Variants in TRIP11 observed in about 807,000 individuals in gnomAD.
TRIP11 encodes thyroid receptor-interacting protein 11.
In TRIP11, 148 loss-of-function variants were observed where a neutral mutation model predicts 223.1. The ratio of observed to expected loss-of-function variants is 0.66; its 90% CI spans 0.58 to 0.76. TRIP11 has a LOEUF of 0.76. Among genes scored for constraint, TRIP11 ranks in the 30% least tolerant of loss-of-function variants. The pLI is 0.00. For synonymous variants in TRIP11, 762 were observed against 772.6 expected, an observed-to-expected ratio of 0.99 and a Z score of 0.23; for missense variants, 2,043 against 2,222.0, an observed-to-expected ratio of 0.92 and a Z score of 1.62.
At chr14:92,010,203 T>C (rs2056953979) in intron 9 of TRIP11, among the ~76,000 whole-genome samples, 2 of 152,206 alleles carry the variant, frequency 1.3e-5, no homozygotes, top group South Asian at 2.1e-4. Flanking sequence ...AGCCCTTCTT[T>C]CTACCACTGA....
In TRIP11 at chr14:92,040,053, G is replaced by A. The variant is rs2057369067; in HGVS notation, c.-368C>T. The A allele has an allele frequency of 2.4e-6, 1 of 419,380 alleles. No homozygotes were observed. Among genetic ancestry groups the A allele is most frequent in the Non-Finnish European group, 4.5e-6 (1 of 223,072 alleles). The allele number at this position is 419,380 out of a possible 1,614,324, so 26.0% of individuals were successfully genotyped here. On this transcript the variant is annotated 5_prime_UTR_variant, in exon 1 of 21. Coordinates refer to ENST00000267622, the MANE Select transcript of TRIP11 (RefSeq NM_004239.4). ...CATGACACTCGCTCGGAAAGCGGCA[G>A]CGGATCATAGAAAAGCGCCGCGGTG...
intron 16 of TRIP11, among the ~76,000 whole-genome samples, chr14:91,979,171 C>T (rs1397062451): frequency 4.6e-5 from 7 of 151,116 alleles, no homozygotes; most frequent in Middle Eastern, 6.8e-3. Context: ...GCGGGAGGAT[C>T]GCCTGAGCCC....
At position 92,014,240 on chromosome 14, in the gene TRIP11, CACT is replaced by C; in HGVS notation, c.1158_1160del (p.Val387del). On this transcript the variant is annotated inframe_deletion, in exon 7 of 21. Coordinates refer to ENST00000267622, the MANE Select transcript of TRIP11 (RefSeq NM_004239.4). The stretch of plus-strand genomic sequence containing the variant: ...CAGACAGTGCTTGTTGTAGTCTGAA[CACT>C]TCTTCCACTGATGCACTCTGGGCAA... 6.2e-7 allele frequency: 1 copy of C among 1,614,020 alleles called. No homozygotes were observed. Among genetic ancestry groups the C allele is most frequent in the Non-Finnish European group, 8.5e-7 (1 of 1,179,978 alleles).
At chr14:92,018,741 A>C (rs2057068735) in intron 4 of TRIP11, among the ~76,000 whole-genome samples, 1 of 151,988 alleles carries the variant, frequency 6.6e-6, no homozygotes, top group Admixed American at 6.5e-5. Context: ...GCTGGATCAC[A>C]AGGGCAAGAG....
intron 16 of TRIP11, among the ~76,000 whole-genome samples, chr14:91,985,506 C>T (rs749352168): frequency 3.4e-4 from 52 of 152,220 alleles, no homozygotes; most frequent in Non-Finnish European, 6.8e-4. Context: ...TTTGACCAGA[C>T]TGAATCATCT....
chr14:92,025,878 C>CAAAAAAA (rs372915026), intron 2 of TRIP11, among the ~76,000 whole-genome samples: 1 of 74,058 alleles, frequency 1.4e-5, no homozygotes, highest in African/African-American at 4.7e-5. Flanking sequence ...GACTCCGTCT[C>CAAAAAAA]AAAAAAAAAA....
chr14:92,009,919 G>A (rs1416929056), intron 9 of TRIP11, among the ~76,000 whole-genome samples: 1 of 152,078 alleles, frequency 6.6e-6, no homozygotes, highest in East Asian at 1.9e-4. Flanking sequence ...AAGCCACAGA[G>A]GTACAAAAGA....
At chr14:91,987,334 T>C (rs2056615707) in intron 16 of TRIP11, among the ~76,000 whole-genome samples, 1 of 152,128 alleles carries the variant, frequency 6.6e-6, no homozygotes. Context: ...CCCTGTCCTG[T>C]CTCCTGCTGG....
Position 92,005,812 on chromosome 14 carries a change from CTA to C in TRIP11, c.2162_2163del (p.Ile721ArgfsTer8). ...VETLKMEKGE[I>X]EAELCWAKKR... Reference sequence around the variant, plus strand: ...TTTTTAGCCCAACACAATTCTGCCTCTATCTCTCCTTTTTCCATTTTTAGAGT... The same window carrying C: ...TTTTTAGCCCAACACAATTCTGCCTCTCTCTCCTTTTTCCATTTTTAGAGT... On this transcript the variant is annotated frameshift_variant, in exon 11 of 21. Transcript: ENST00000267622. LOFTEE classifies it high-confidence loss of function. 1 of 1,614,044 alleles carries C rather than the reference CTA, an allele frequency of 6.2e-7. No individual in the cohort carries two copies.
rs2056921213 is a variant in TRIP11 at position 92,007,563 on chromosome 14, TTAAA to T, written c.1527+73_1527+76del. Reference sequence around the variant, plus strand: ...CAATCTCTATGAACTAAAATATTAATTAAATCACACCCACCATTTCTGTGTTTAG... The same window carrying T: ...CAATCTCTATGAACTAAAATATTAATTCACACCCACCATTTCTGTGTTTAG... On this transcript the variant is annotated intron_variant, in intron 10 of 20. Transcript: ENST00000267622. 1.9e-5 allele frequency: 28 copies of T among 1,490,340 alleles called. No individual in the cohort carries two copies. The South Asian group carries it at 3.2e-4, about 17-fold the overall frequency. 92.3% of individuals were successfully genotyped at this position (1,490,340 alleles called of 1,614,324 possible).
chr14:92,012,576 T>C (rs1314595713), intron 7 of TRIP11, among the ~76,000 whole-genome samples: 1 of 152,100 alleles, frequency 6.6e-6, no homozygotes, highest in East Asian at 1.9e-4. Flanking sequence ...CAGTGCTAGG[T>C]ACTTCTCAGT....
At position 91,974,922 on chromosome 14, in the gene TRIP11, C is replaced by G. The variant is rs2056445170; in HGVS notation, c.5458-179G>C. ...TAAAATGCCATCCCAAGCACCATCT[C>G]AAATGAAAGTCTGGGGATATTTCAA... On this transcript the variant is annotated intron_variant, in intron 18 of 20. Coordinates refer to ENST00000267622, the MANE Select transcript of TRIP11 (RefSeq NM_004239.4). Among the ~76,000 whole-genome samples the G allele has an allele frequency of 2.0e-5, 3 of 152,156 alleles. No homozygotes were observed. The South Asian group carries it at 6.2e-4, about 31-fold the overall frequency.
chr14:91,993,340 A>C (rs2056704046), intron 15 of TRIP11, among the ~76,000 whole-genome samples: 1 of 151,450 alleles, frequency 6.6e-6, no homozygotes, highest in Admixed American at 6.6e-5. Context: ...GCTGGGTATG[A>C]TGGTGCACGC....
intron 15 of TRIP11, among the ~76,000 whole-genome samples, chr14:91,993,195 C>T (rs1339296339): frequency 1.3e-5 from 2 of 151,450 alleles, no homozygotes; most frequent in Non-Finnish European, 2.9e-5. Context: ...GAAAATTACA[C>T]GCCAGGCGCA....
intron 9 of TRIP11, among the ~76,000 whole-genome samples, chr14:92,008,090 T>G (rs1056557725): frequency 1.3e-5 from 2 of 152,236 alleles, no homozygotes; most frequent in Admixed American, 1.3e-4. Flanking sequence ...ATGCAGCGAC[T>G]GTAAGTTTGT....
intron 19 of TRIP11, among the ~76,000 whole-genome samples, chr14:91,973,272 C>T (rs748316906): frequency 1.1e-4 from 17 of 152,156 alleles, no homozygotes; most frequent in Admixed American, 1.1e-3. Flanking sequence ...GATCCGCCCA[C>T]CTCGGCCTCC....
In TRIP11 at chr14:91,980,821, G is replaced by C. The variant is rs954016639; in HGVS notation, c.5261-4632C>G. Among the ~76,000 whole-genome samples the C allele has an allele frequency of 5.3e-5, 8 of 151,334 alleles. No homozygotes were observed. In the East Asian group the frequency reaches 1.4e-3, roughly 26 times the overall value. On this transcript the variant is annotated intron_variant, in intron 16 of 20. Transcript: ENST00000267622. Reference sequence around the variant, plus strand: ...GCATCTGGTGTCTTATCTGCATCTGGATACCTTAAAACTAAATTTAAATCT... The same window carrying C: ...GCATCTGGTGTCTTATCTGCATCTGCATACCTTAAAACTAAATTTAAATCT...
intron 13 of TRIP11, among the ~76,000 whole-genome samples, chr14:91,997,128 A>C (rs6575225): frequency 0.012 from 1,865 of 152,290 alleles, 40 homozygotes; most frequent in African/African-American, 0.041. Context: ...ACCTTGTTCA[A>C]CTTTGTTGGT....
intron 12 of TRIP11, 41 bp from the exon 13 acceptor site, chr14:91,999,474 T>TTTCCACTGCTACAAACCATTTTG: frequency 6.3e-7 from 1 of 1,587,896 alleles, no homozygotes; most frequent in Non-Finnish European, 8.6e-7. Context: ...AAATGCTCCC[T>TTTCCACTGCTACAAACCATTTTG]TTCCACTGCT....
Sources: gnomAD v4.1 joint callset for allele counts (sites outside exome capture counted in the v4.1 genomes callset) on GRCh38, gnomAD v4.1.1 for gene constraint, MANE v1.5 for transcripts, NCBI Gene and HGNC (gene_info 2026-07-23, HGNC 2026-07-21) for gene names.